Variants in AKR1C8 observed in about 807,000 individuals in gnomAD.
AKR1C8 encodes the protein aldo-keto reductase family 1 member C-like protein 1.
At chr10:5,180,476 C>T in the AKR1C8 span, among the ~76,000 whole-genome samples, 10 of 150,402 alleles carry the variant, frequency 6.6e-5, no homozygotes, top group East Asian at 9.6e-4. Flanking sequence ...GCTCCAGCTG[C>T]ATGCTGGGAG....
At chr10:5,138,068 T>C in the AKR1C8 span, among the ~76,000 whole-genome samples, 2 of 151,478 alleles carry the variant, frequency 1.3e-5, no homozygotes, top group Non-Finnish European at 1.5e-5. Context: ...TAAGGGTCTA[T>C]GTTCAGCGGT....
At chr10:5,137,551 G>A in the AKR1C8 span, among the ~76,000 whole-genome samples, 8 of 149,562 alleles carry the variant, frequency 5.3e-5, no homozygotes, top group South Asian at 4.2e-4. Context: ...ATTCAACCCT[G>A]CTTCATGCTA....
the AKR1C8 span, among the ~76,000 whole-genome samples, chr10:5,170,729 T>C: frequency 6.6e-6 from 1 of 152,134 alleles, no homozygotes; most frequent in African/African-American, 2.4e-5. Context: ...ATAAGTTAAG[T>C]TTGATTCCTT....
chr10:5,132,458 T>C, the AKR1C8 span: 2 of 702,792 alleles, frequency 2.8e-6, no homozygotes, highest in Non-Finnish European at 4.0e-6. Context: ...CCGCCTTTTA[T>C]TTTAGTTTTA....
chr10:5,151,790 C>T, the AKR1C8 span, among the ~76,000 whole-genome samples: 1 of 152,128 alleles, frequency 6.6e-6, no homozygotes, highest in Non-Finnish European at 1.5e-5. Context: ...CTCCTGACCT[C>T]AGGTGATCTG....
chr10:5,170,133 C>T, the AKR1C8 span, among the ~76,000 whole-genome samples: 1 of 152,068 alleles, frequency 6.6e-6, no homozygotes, highest in Non-Finnish European at 1.5e-5. Flanking sequence ...GAGATTTCCT[C>T]CTGTGATGGT....
chr10:5,134,837 A>T, the AKR1C8 span, among the ~76,000 whole-genome samples: 4 of 152,350 alleles, frequency 2.6e-5, no homozygotes, highest in East Asian at 5.8e-4. Context: ...CTACAAAAGG[A>T]AATGCCAGGC....
chr10:5,164,966 G>A, the AKR1C8 span, among the ~76,000 whole-genome samples: 8 of 152,186 alleles, frequency 5.3e-5, no homozygotes, highest in East Asian at 1.9e-4. Flanking sequence ...ATTTTTACAA[G>A]TTGTGGATAT....
chr10:5,134,499 C>T, the AKR1C8 span, among the ~76,000 whole-genome samples: 1 of 152,158 alleles, frequency 6.6e-6, no homozygotes, highest in Non-Finnish European at 1.5e-5. Context: ...CATTTTGATA[C>T]AAATCTGATG....
chr10:5,179,628 G>C, the AKR1C8 span, among the ~76,000 whole-genome samples: 125 of 146,140 alleles, frequency 8.6e-4, no homozygotes, highest in African/African-American at 3.2e-3. Flanking sequence ...ATCAGACGTA[G>C]ATTTGGTCTT....
the AKR1C8 span, among the ~76,000 whole-genome samples, chr10:5,179,649 C>A: frequency 1.2e-5 from 1 of 80,036 alleles, no homozygotes; most frequent in Non-Finnish European, 2.5e-5. Context: ...TTCACATAGT[C>A]CCATATTTCT....
chr10:5,160,989 G>A, the AKR1C8 span: 6 of 429,916 alleles, frequency 1.4e-5, no homozygotes, highest in Admixed American at 1.6e-4. Context: ...AGTTTCAGGA[G>A]GTGGTGATTA....
At chr10:5,133,095 T>C in the AKR1C8 span, among the ~76,000 whole-genome samples, 1 of 152,118 alleles carries the variant, frequency 6.6e-6, no homozygotes, top group African/African-American at 2.4e-5. Context: ...ATTACTATTA[T>C]TATTTGAGAC....
the AKR1C8 span, among the ~76,000 whole-genome samples, chr10:5,170,206 AG>A: frequency 6.6e-6 from 1 of 152,152 alleles, no homozygotes; most frequent in Non-Finnish European, 1.5e-5. Flanking sequence ...ACTTTAGGAA[AG>A]CATAGCTTAT....
the AKR1C8 span, chr10:5,161,869 G>A: frequency 1.9e-6 from 1 of 533,568 alleles, no homozygotes; most frequent in Non-Finnish European, 3.9e-6. Flanking sequence ...CATAGCAAAT[G>A]GTACATGAAT....
the AKR1C8 span, among the ~76,000 whole-genome samples, chr10:5,169,351 G>A: frequency 1.3e-5 from 2 of 152,266 alleles, no homozygotes; most frequent in South Asian, 2.1e-4. Context: ...GGGGGCGGGG[G>A]AGACTTTCTT....
the AKR1C8 span, among the ~76,000 whole-genome samples, chr10:5,150,741 A>G: frequency 2.0e-5 from 3 of 152,072 alleles, no homozygotes; most frequent in Non-Finnish European, 4.4e-5. Context: ...ATAATAATGC[A>G]AAGATTAAAA....
the AKR1C8 span, among the ~76,000 whole-genome samples, chr10:5,129,789 CA>C: frequency 3.3e-5 from 5 of 151,364 alleles, no homozygotes; most frequent in Non-Finnish European, 5.9e-5. Flanking sequence ...AAATTGCCAA[CA>C]AAAAAAGCCA....
At chr10:5,145,989 A>T in the AKR1C8 span, among the ~76,000 whole-genome samples, 1 of 152,052 alleles carries the variant, frequency 6.6e-6, no homozygotes, top group African/African-American at 2.4e-5. Flanking sequence ...AAAATGTGGC[A>T]CATATACACC....
Sources: allele counts gnomAD v4.1 joint callset (sites outside exome capture counted in the v4.1 genomes callset), GRCh38; gene constraint gnomAD v4.1.1; transcripts MANE v1.5; gene names NCBI Gene and HGNC (gene_info 2026-07-23, HGNC 2026-07-21).